The following EPHA6 variants were observed in gnomAD, a reference collection of about 807,000 sequenced individuals.
The protein encoded by EPHA6 is ephrin type-A receptor 6.
EPHA6 carries 50 observed loss-of-function variants against 112.0 expected under a neutral mutation model. The ratio of observed to expected loss-of-function variants is 0.45; its 90% CI spans 0.36 to 0.56. EPHA6 has a LOEUF of 0.56. Among genes scored for constraint, EPHA6 ranks in the 20% least tolerant of loss-of-function variants. The probability of loss-of-function intolerance (pLI) is 0.00; values close to 1 mark genes in which losing one functional copy is unlikely to be tolerated. For missense variants in EPHA6, 1,280 were observed against 1,417.4 expected (o/e 0.90, Z 1.56); for synonymous variants, 529 against 490.7 (o/e 1.08, Z -1.03).
Position 97,360,978 on chromosome 3 carries a change from C to T in EPHA6, c.1607-44172C>T, listed in dbSNP as rs981381214. Among the ~76,000 whole-genome samples, 3 of 152,276 alleles carry T rather than the reference C, an allele frequency of 2.0e-5. No individual in the cohort carries two copies. In the East Asian group the frequency reaches 5.8e-4, roughly 29 times the overall value. ...AAGTATCTCTGTAGGAGACATTACT[C>T]AGCTCAATTCCATCAATTGGATGTG... On this transcript the variant is annotated intron_variant, in intron 5 of 17. Coordinates refer to ENST00000389672, the MANE Select transcript of EPHA6 (RefSeq NM_001080448.3).
At chr3:96,882,580 T>G (rs2037377472) in intron 2 of EPHA6, among the ~76,000 whole-genome samples, 1 of 152,166 alleles carries the variant, frequency 6.6e-6, no homozygotes, top group Non-Finnish European at 1.5e-5. Context: ...CCTCATAGCT[T>G]TGCTCCCATG....
chr3:96,954,738 A>G (rs184858446), intron 2 of EPHA6, among the ~76,000 whole-genome samples: 1 of 151,358 alleles, frequency 6.6e-6, no homozygotes, highest in Non-Finnish European at 1.5e-5. Flanking sequence ...AAGTTTGTGA[A>G]AACAGGAATT....
At chr3:97,051,540 T>A (rs2045685566) in intron 3 of EPHA6, among the ~76,000 whole-genome samples, 1 of 152,176 alleles carries the variant, frequency 6.6e-6, no homozygotes, top group African/African-American at 2.4e-5. Context: ...TGGAATACTT[T>A]TTAAAAATAT....
At chr3:97,061,137 C>G (rs987177005) in intron 3 of EPHA6, among the ~76,000 whole-genome samples, 1 of 151,708 alleles carries the variant, frequency 6.6e-6, no homozygotes, top group Non-Finnish European at 1.5e-5. Context: ...CTTATAGGAC[C>G]CAAACACCAA....
intron 14 of EPHA6, among the ~76,000 whole-genome samples, chr3:97,678,939 G>A (rs200541432): frequency 6.6e-6 from 1 of 152,228 alleles, no homozygotes; most frequent in East Asian, 1.9e-4. Context: ...GACCCAATCT[G>A]AAACTCTATC....
At chr3:97,493,445 A>G (rs1342194901) in intron 10 of EPHA6, among the ~76,000 whole-genome samples, 1 of 152,174 alleles carries the variant, frequency 6.6e-6, no homozygotes, top group Non-Finnish European at 1.5e-5. Context: ...TTGTCCTCAC[A>G]TGGCAGAGAA....
chr3:97,576,053 A>G (rs1291885364), intron 11 of EPHA6, among the ~76,000 whole-genome samples: 1 of 152,116 alleles, frequency 6.6e-6, no homozygotes, highest in Non-Finnish European at 1.5e-5. Flanking sequence ...GATAAGGAAC[A>G]CAGTGTGGGG....
chr3:97,176,017 C>T (rs547364677), intron 3 of EPHA6, among the ~76,000 whole-genome samples: 2 of 151,942 alleles, frequency 1.3e-5, no homozygotes, highest in African/African-American at 4.8e-5. Context: ...TCTGCCCATT[C>T]AGTATGATAC....
chr3:96,981,840 A>T (rs894031549), intron 2 of EPHA6, among the ~76,000 whole-genome samples: 1 of 152,118 alleles, frequency 6.6e-6, no homozygotes, highest in African/African-American at 2.4e-5. Flanking sequence ...GTTTATTTGC[A>T]TAGAGGTGTT....
intron 2 of EPHA6, among the ~76,000 whole-genome samples, chr3:96,950,440 G>T (rs2041476567): frequency 6.6e-6 from 1 of 152,076 alleles, no homozygotes; most frequent in African/African-American, 2.4e-5. Context: ...ATACTGAGTT[G>T]CATTTCTCTC....
At chr3:96,917,018 T>C (rs552611493) in intron 2 of EPHA6, among the ~76,000 whole-genome samples, 1 of 152,290 alleles carries the variant, frequency 6.6e-6, no homozygotes, top group South Asian at 2.1e-4. Flanking sequence ...AGCTAAAGAA[T>C]TTGCTTTCCT....
intron 2 of EPHA6, among the ~76,000 whole-genome samples, chr3:96,876,455 T>C (rs548045181): frequency 3.3e-5 from 5 of 151,086 alleles, no homozygotes; most frequent in Non-Finnish European, 5.9e-5. Flanking sequence ...CTGCTTTGGG[T>C]CTTTCTCCAG....
At chr3:96,997,389 TC>T (rs1376777025) in intron 3 of EPHA6, among the ~76,000 whole-genome samples, 3 of 152,062 alleles carry the variant, frequency 2.0e-5, no homozygotes, top group Non-Finnish European at 4.4e-5. Flanking sequence ...TTCAAGGCCT[TC>T]CTCACTAAGT....
At chr3:97,312,671 T>C (rs968047761) in intron 5 of EPHA6, among the ~76,000 whole-genome samples, 1 of 151,570 alleles carries the variant, frequency 6.6e-6, no homozygotes, top group Non-Finnish European at 1.5e-5. Context: ...TTTCCTCCTA[T>C]GCATAGTTTT....
intron 5 of EPHA6, among the ~76,000 whole-genome samples, chr3:97,356,940 T>G (rs774333553): frequency 1.3e-5 from 2 of 152,210 alleles, no homozygotes; most frequent in Non-Finnish European, 2.9e-5. Context: ...AGTTTTTGAT[T>G]TATATATTTT....
intron 1 of EPHA6, among the ~76,000 whole-genome samples, chr3:96,862,027 A>G (rs2036036315): frequency 6.6e-6 from 1 of 151,908 alleles, no homozygotes; most frequent in South Asian, 2.1e-4. Context: ...TTTGGTTCTT[A>G]CCTTTCAGAA....
chr3:97,597,592 A>G (rs2093605431), intron 12 of EPHA6, among the ~76,000 whole-genome samples: 1 of 152,214 alleles, frequency 6.6e-6, no homozygotes, highest in Non-Finnish European at 1.5e-5. Flanking sequence ...TATAAACCAC[A>G]TATCCAATAA....
intron 5 of EPHA6, among the ~76,000 whole-genome samples, chr3:97,246,657 AAT>A (rs1282228560): frequency 6.6e-6 from 1 of 151,708 alleles, no homozygotes; most frequent in African/African-American, 2.4e-5. Flanking sequence ...AAATAATCAA[AAT>A]ATATTTATAT....
intron 5 of EPHA6, among the ~76,000 whole-genome samples, chr3:97,321,047 A>G (rs187167646): frequency 6.6e-6 from 1 of 151,890 alleles, no homozygotes; most frequent in East Asian, 1.9e-4. Context: ...CTTTATTTTG[A>G]CCTTTCATAT....
Sources: gnomAD v4.1 joint callset for allele counts (sites outside exome capture counted in the v4.1 genomes callset) on GRCh38, gnomAD v4.1.1 for gene constraint, MANE v1.5 for transcripts, NCBI Gene and HGNC (gene_info 2026-07-23, HGNC 2026-07-21) for gene names.